Variants in TUBGCP3 observed in about 807,000 individuals in gnomAD.
The protein encoded by TUBGCP3 is gamma-tubulin complex component 3.
A neutral mutation model predicts 123.1 loss-of-function variants in TUBGCP3; 50 were observed. The ratio of observed to expected loss-of-function variants is 0.41; its 90% CI spans 0.32 to 0.51. TUBGCP3 has a LOEUF of 0.51. Among genes scored for constraint, TUBGCP3 ranks in the 20% least tolerant of loss-of-function variants. TUBGCP3 has a pLI of 0.36. For synonymous variants in TUBGCP3, 405 were observed against 413.9 expected (o/e 0.98, Z 0.26); for missense variants, 882 against 1,127.0 (o/e 0.78, Z 3.11).
upstream of TUBGCP3, chr13:112,588,201 G>A (rs988113150): frequency 1.2e-5 from 5 of 402,000 alleles, no homozygotes; most frequent in Admixed American, 4.6e-5. Context: ...GCGGCCGCGC[G>A]TGCGGCTGCC....
chr13:112,593,196 A>G (rs1882912308), upstream of TUBGCP3, among the ~76,000 whole-genome samples: 1 of 152,190 alleles, frequency 6.6e-6, no homozygotes, highest in Non-Finnish European at 1.5e-5. Flanking sequence ...AAGTGGGTGG[A>G]TCACCTGAGG....
At chr13:112,593,007 AGT>A (rs1211545681), upstream of TUBGCP3, among the ~76,000 whole-genome samples, 1 of 152,252 alleles carries the variant, frequency 6.6e-6, no homozygotes, top group Non-Finnish European at 1.5e-5. Flanking sequence ...GATGCTGCTA[AGT>A]TTTGATCGTT....
the TUBGCP3 span, among the ~76,000 whole-genome samples, chr13:112,597,950 A>T: frequency 6.6e-6 from 1 of 152,186 alleles, no homozygotes; most frequent in South Asian, 2.1e-4. Context: ...GGCAATGATA[A>T]AAGTGCCACA....
chr13:112,507,255 G>A (rs907202640), intron 17 of TUBGCP3, among the ~76,000 whole-genome samples: 6 of 152,104 alleles, frequency 3.9e-5, no homozygotes, highest in African/African-American at 9.7e-5. Flanking sequence ...TGTCTCCATC[G>A]ACCCTTCCCC....
chr13:112,534,265 G>A (rs527916012), intron 11 of TUBGCP3, among the ~76,000 whole-genome samples: 69 of 152,280 alleles, frequency 4.5e-4, no homozygotes, highest in Middle Eastern at 3.4e-3. Context: ...AAACTACTGC[G>A]GCCGGGCGCG....
chr13:112,565,394 G>A (rs1369633318), intron 2 of TUBGCP3, among the ~76,000 whole-genome samples: 1 of 152,120 alleles, frequency 6.6e-6, no homozygotes, highest in Admixed American at 6.5e-5. Flanking sequence ...ATTAGGCTGG[G>A]ATCAAAGAGT....
intron 17 of TUBGCP3, among the ~76,000 whole-genome samples, chr13:112,505,981 T>C (rs1881280845): frequency 6.6e-6 from 1 of 151,826 alleles, no homozygotes; most frequent in African/African-American, 2.4e-5. Flanking sequence ...AGCCAGAGAG[T>C]TGTAAAGCAG....
chr13:112,535,653 T>G (rs541462421), intron 11 of TUBGCP3, among the ~76,000 whole-genome samples: 28 of 152,372 alleles, frequency 1.8e-4, no homozygotes, highest in African/African-American at 6.3e-4. Context: ...GTGATAGTTC[T>G]TTATGTATTT....
chr13:112,594,380 CCTT>C, the TUBGCP3 span, among the ~76,000 whole-genome samples: 1 of 152,136 alleles, frequency 6.6e-6, no homozygotes, highest in African/African-American at 2.4e-5. Context: ...ATCCATATGA[CCTT>C]CTAATAGCCA....
intron 19 of TUBGCP3, among the ~76,000 whole-genome samples, chr13:112,503,146 G>A (rs1331361223): frequency 2.0e-5 from 3 of 152,048 alleles, no homozygotes; most frequent in South Asian, 4.2e-4. Flanking sequence ...GTGAAGTCTC[G>A]GAGTTCAGGT....
At chr13:112,570,321 G>A (rs75958277) in intron 1 of TUBGCP3, among the ~76,000 whole-genome samples, 3,120 of 152,274 alleles carry the variant, frequency 0.02, 55 homozygotes, top group Middle Eastern at 0.054. Context: ...ACAAGCACAC[G>A]GGTCTTTGTC....
intron 1 of TUBGCP3, among the ~76,000 whole-genome samples, chr13:112,576,454 T>C (rs1255585160): frequency 6.6e-6 from 1 of 152,138 alleles, no homozygotes; most frequent in Non-Finnish European, 1.5e-5. Flanking sequence ...ATAGATTGTG[T>C]ACTTGAAATC....
intron 11 of TUBGCP3, among the ~76,000 whole-genome samples, chr13:112,542,783 G>A (rs1385064936): frequency 6.6e-6 from 1 of 152,124 alleles, no homozygotes. Flanking sequence ...CTTCGATAGT[G>A]ACTTAATACA....
At chr13:112,578,059 T>C (rs912534737) in intron 1 of TUBGCP3, among the ~76,000 whole-genome samples, 9 of 151,996 alleles carry the variant, frequency 5.9e-5, no homozygotes, top group Non-Finnish European at 8.8e-5. Flanking sequence ...ATGTCCGGGG[T>C]CCAGGGTCTA....
upstream of TUBGCP3, among the ~76,000 whole-genome samples, chr13:112,592,333 C>T (rs747898524): frequency 1.3e-5 from 2 of 152,162 alleles, no homozygotes; most frequent in Non-Finnish European, 2.9e-5. This position sits in a 1 kb window ranked among gnomAD's most constrained non-coding sequence, Gnocchi z 4.1. Flanking sequence ...CGAGAGGGGC[C>T]GGCTGCCAGG....
rs750667962 is a variant in TUBGCP3 at position 112,558,272 on chromosome 13, C to T, written c.472G>A (p.Gly158Ser). The change falls in exon 5 of 22, where the codon GGC becomes AGC. Residue 158 changes from glycine (G) to serine (S), a missense_variant. Gly to Ser is a moderately conservative substitution (Grantham distance 56). Transcript: ENST00000261965. ...CCAATGCTGCTGATGCCACTGCTGC[C>T]CACGCTGCCGGAGCTCTGGGCTGAC... ...AQSAQSSGSV[G>S]SSGISSIGLC... 2 of 1,613,058 alleles carry T rather than the reference C, an allele frequency of 1.2e-6. No individual in the cohort carries two copies. Among genetic ancestry groups the T allele is most frequent in the Admixed American group, 3.3e-5 (2 of 60,034 alleles).
At chr13:112,583,773 T>A (rs1882426491) in intron 1 of TUBGCP3, among the ~76,000 whole-genome samples, 1 of 152,230 alleles carries the variant, frequency 6.6e-6, no homozygotes, top group Non-Finnish European at 1.5e-5. Flanking sequence ...TGTTCCACAC[T>A]TCTGCTTTTC....
chr13:112,504,498 A>G, intron 18 of TUBGCP3, 128 bp downstream of exon 18: 1 of 668,414 alleles, frequency 1.5e-6, no homozygotes, highest in Non-Finnish European at 2.3e-6. Flanking sequence ...AAAAAAAAAA[A>G]AAGAAAAAAT....
At chr13:112,560,931 C>T (rs909092485) in intron 3 of TUBGCP3, among the ~76,000 whole-genome samples, 5 of 152,094 alleles carry the variant, frequency 3.3e-5, no homozygotes, top group African/African-American at 1.2e-4. Context: ...GGAGGAGACT[C>T]GAGTCTCCTA....
Sources: gnomAD v4.1 joint callset for allele counts (sites outside exome capture counted in the v4.1 genomes callset) on GRCh38, gnomAD v4.1.1 for gene constraint, Gnocchi (gnomAD v3.1) non-coding constraint, MANE v1.5 for transcripts, NCBI Gene and HGNC (gene_info 2026-07-23, HGNC 2026-07-21) for gene names.